The following DOK5 variants were observed in gnomAD, a reference collection of about 807,000 sequenced individuals.
DOK5 encodes the protein docking protein 5.
Under a neutral mutation model 43.3 loss-of-function variants are expected in DOK5, and 27 were observed. The observed-to-expected ratio is 0.62, with a 90% CI of 0.46 to 0.86. The LOEUF is 0.86. Ranked by LOEUF, DOK5 falls within the 40% of genes least tolerant of loss-of-function variation. The pLI, the probability that DOK5 is intolerant of heterozygous loss-of-function variation, is 0.00. For synonymous variants in DOK5, 146 were observed against 140.1 expected, an observed-to-expected ratio of 1.04 and a Z score of -0.30; for missense variants, 373 against 392.9, an observed-to-expected ratio of 0.95 and a Z score of 0.43.
At chr20:54,514,373 A>G (rs1027453081) in intron 1 of DOK5, among the ~76,000 whole-genome samples, 3 of 152,326 alleles carry the variant, frequency 2.0e-5, no homozygotes, top group African/African-American at 7.2e-5. Flanking sequence ...GTCATGCTTC[A>G]GTTTTCAGAC....
intron 1 of DOK5, among the ~76,000 whole-genome samples, chr20:54,551,932 A>G (rs1984544916): frequency 6.6e-6 from 1 of 152,046 alleles, no homozygotes; most frequent in Non-Finnish European, 1.5e-5. Flanking sequence ...GGTTGAAGCA[A>G]TTCATGTGCC....
chr20:54,566,626 T>A (rs1486567454), intron 2 of DOK5, among the ~76,000 whole-genome samples: 1 of 152,188 alleles, frequency 6.6e-6, no homozygotes, highest in Non-Finnish European at 1.5e-5. Flanking sequence ...TAGTCATTCT[T>A]TTCTTTTTGA....
chr20:54,606,027 G>C (rs1407488563), intron 5 of DOK5, among the ~76,000 whole-genome samples: 1 of 152,192 alleles, frequency 6.6e-6, no homozygotes. Flanking sequence ...GGTGATCCCT[G>C]GTCAAGCTCC....
intron 1 of DOK5, among the ~76,000 whole-genome samples, chr20:54,488,740 TCCCTCCCTCCCTCTTTCCCTACCCCTC>T (rs1298349197): frequency 6.8e-6 from 1 of 146,818 alleles, no homozygotes; most frequent in Non-Finnish European, 1.5e-5. Flanking sequence ...GTGCTTTTCC[TCCCTCCCTCCCTCTTTCCCTACCCCTC>T]CCCTCCCTCC....
chr20:54,646,310 G>A (rs1014759231), intron 7 of DOK5, among the ~76,000 whole-genome samples: 3 of 134,132 alleles, frequency 2.2e-5, no homozygotes, highest in African/African-American at 8.6e-5. Context: ...CTGGAGTGCA[G>A]TGGTGCGATC....
intron 1 of DOK5, among the ~76,000 whole-genome samples, chr20:54,480,048 T>C (rs1981606613): frequency 1.3e-5 from 2 of 152,236 alleles, no homozygotes; most frequent in South Asian, 4.2e-4. Flanking sequence ...TCTTCTCATT[T>C]GACTTCCTGC....
chr20:54,540,027 G>A (rs138124107), intron 1 of DOK5, among the ~76,000 whole-genome samples: 24 of 152,238 alleles, frequency 1.6e-4, no homozygotes, highest in African/African-American at 5.8e-4. Context: ...TGGGATATGA[G>A]GCCTAATGAG....
chr20:54,649,482 C>T lies in DOK5; in HGVS notation c.857-933C>T, dbSNP rs113710431. On this transcript the variant is annotated intron_variant, in intron 7 of 7. Transcript: ENST00000262593. ...GTGTGTGGGTGGGGCGGACATGCTCCACTGGCTGCAATCCTGTTTCTTGTG... is the reference window on the plus strand; with the variant it reads ...GTGTGTGGGTGGGGCGGACATGCTCTACTGGCTGCAATCCTGTTTCTTGTG... Among the ~76,000 whole-genome samples the T allele has an allele frequency of 1.1e-4, 16 of 152,326 alleles. 1 individual carries two copies. Among genetic ancestry groups the T allele is most frequent in the African/African-American group, 3.8e-4 (16 of 41,566 alleles).
intron 2 of DOK5, among the ~76,000 whole-genome samples, chr20:54,564,625 G>C (rs998981225): frequency 3.3e-5 from 5 of 151,894 alleles, no homozygotes; most frequent in African/African-American, 1.2e-4. Context: ...ATCAGAGAGA[G>C]AGAAAAAAAA....
chr20:54,567,019 A>AT (rs926278434), intron 2 of DOK5, among the ~76,000 whole-genome samples: 61 of 145,558 alleles, frequency 4.2e-4, no homozygotes, highest in African/African-American at 9.3e-4. Context: ...CCTATTTTCT[A>AT]TTTTTTTTTT....
intron 1 of DOK5, among the ~76,000 whole-genome samples, chr20:54,504,638 C>T (rs1982738518): frequency 6.6e-6 from 1 of 152,192 alleles, no homozygotes; most frequent in South Asian, 2.1e-4. Flanking sequence ...TGGTGTCATG[C>T]TATCCTTGGC....
chr20:54,555,355 G>C (rs988324868), intron 2 of DOK5: 15 of 197,858 alleles, frequency 7.6e-5, no homozygotes, highest in African/African-American at 3.4e-4. Context: ...TTGTGTCTCA[G>C]ACACTGCCTG....
At chr20:54,510,726 C>A (rs1982985028) in intron 1 of DOK5, among the ~76,000 whole-genome samples, 1 of 152,108 alleles carries the variant, frequency 6.6e-6, no homozygotes, top group South Asian at 2.1e-4. Context: ...GTTGTGTTGG[C>A]TTGGAAGGCT....
At chr20:54,520,746 A>G (rs1983364039) in intron 1 of DOK5, among the ~76,000 whole-genome samples, 2 of 152,124 alleles carry the variant, frequency 1.3e-5, no homozygotes, top group African/African-American at 4.8e-5. Flanking sequence ...TGATCATGCC[A>G]CTGCACTCCA....
chr20:54,562,193 G>A (rs1302603626), intron 2 of DOK5, among the ~76,000 whole-genome samples: 1 of 152,106 alleles, frequency 6.6e-6, no homozygotes, highest in Non-Finnish European at 1.5e-5. Context: ...ATGCAAAGTA[G>A]GTACTTTGGA....
intron 2 of DOK5, among the ~76,000 whole-genome samples, chr20:54,579,817 A>C (rs529045482): frequency 6.6e-6 from 1 of 152,172 alleles, no homozygotes; most frequent in African/African-American, 2.4e-5. Flanking sequence ...GTTCTGGGGT[A>C]CATGTGCAGA....
At chr20:54,616,273 A>T (rs1986804879) in intron 6 of DOK5, among the ~76,000 whole-genome samples, 1 of 152,212 alleles carries the variant, frequency 6.6e-6, no homozygotes, top group African/African-American at 2.4e-5. Flanking sequence ...CCCCTGCCTT[A>T]CACTGTATCT....
Position 54,559,590 on chromosome 20 carries a change from C to T in DOK5, c.174+4550C>T, listed in dbSNP as rs1421434210. ...TTGGCAACTGCAACGTTTATGGCCCCATCTTTGAGATTCATAACCCACTGC... is the reference window on the plus strand; with the variant it reads ...TTGGCAACTGCAACGTTTATGGCCCTATCTTTGAGATTCATAACCCACTGC... On this transcript the variant is annotated intron_variant, in intron 2 of 7. Transcript: ENST00000262593. Among the ~76,000 whole-genome samples the T allele has an allele frequency of 1.3e-5, 2 of 152,332 alleles. 1 individual carries two copies. The highest frequency in any genetic ancestry group is 3.9e-4 in the East Asian group (2 of 5,178).
At chr20:54,517,634 G>C (rs907566790) in intron 1 of DOK5, among the ~76,000 whole-genome samples, 11 of 152,076 alleles carry the variant, frequency 7.2e-5, no homozygotes. Context: ...TAGTGTTGGT[G>C]GTGATGATAG....
Sources: allele counts gnomAD v4.1 joint callset (sites outside exome capture counted in the v4.1 genomes callset), GRCh38; gene constraint gnomAD v4.1.1; transcripts MANE v1.5; gene names NCBI Gene and HGNC (gene_info 2026-07-23, HGNC 2026-07-21).